The following CERKL variants were observed in gnomAD, a reference collection of about 807,000 sequenced individuals.
CERKL encodes CERK like autophagy regulator, also known as ceramide kinase-like protein.
Under a neutral mutation model 63.4 loss-of-function variants are expected in CERKL, and 61 were observed. The ratio of observed to expected loss-of-function variants is 0.96; its 90% CI spans 0.78 to 1.19. The LOEUF (loss-of-function observed/expected upper bound fraction) is 1.19. Ranked by LOEUF, CERKL falls within the 50% of genes most tolerant of loss-of-function variation. The pLI, the probability that CERKL is intolerant of heterozygous loss-of-function variation, is 0.00. For synonymous variants in CERKL, 250 were observed against 230.5 expected, an observed-to-expected ratio of 1.08 and a Z score of -0.77; for missense variants, 675 against 655.5, an observed-to-expected ratio of 1.03 and a Z score of -0.33.
In CERKL at chr2:181,550,384, C is replaced by A. The variant is rs1687932677; in HGVS notation, c.821-676G>T. On this transcript the variant is annotated intron_variant, in intron 5 of 12. Transcript: ENST00000410087. The surrounding 1 kb of genome is among the most constrained non-coding windows in gnomAD (Gnocchi z 4.5). ...CACCTGGATTTTCCCCACCAGTCCA[C>A]AGAGGCAAAGAGCGCCCTAAGTCAG... 6.6e-6 allele frequency among the ~76,000 whole-genome samples: 1 copy of A among 152,142 alleles called. No individual in the cohort carries two copies. The highest frequency in any genetic ancestry group is 1.5e-5 in the Non-Finnish European group (1 of 68,026).
chr2:181,639,310 A>G (rs1019735370), intron 1 of CERKL, among the ~76,000 whole-genome samples: 1 of 152,192 alleles, frequency 6.6e-6, no homozygotes, highest in Admixed American at 6.5e-5. Flanking sequence ...CTGGCCATAA[A>G]TTGAAAACTG....
chr2:181,542,759 G>A (rs1687566658), intron 11 of CERKL, among the ~76,000 whole-genome samples: 1 of 152,142 alleles, frequency 6.6e-6, no homozygotes, highest in Admixed American at 6.5e-5. Context: ...TAGAGTACAT[G>A]AGAAAATATG....
Position 181,550,484 on chromosome 2 carries a change from G to A in CERKL, c.821-776C>T, listed in dbSNP as rs917589256. Among the ~76,000 whole-genome samples, 3 of 152,110 alleles carry A rather than the reference G, an allele frequency of 2.0e-5. No homozygotes were observed. Among genetic ancestry groups the A allele is most frequent in the Non-Finnish European group, 2.9e-5 (2 of 68,016 alleles). ...ACCAGCTAGCCCTTCCCATTCCCAG[G>A]AGGCTAAAGAGAATTTAAAATTATT... On this transcript the variant is annotated intron_variant, in intron 5 of 12. Transcript: ENST00000410087. The surrounding 1 kb of genome is among the most constrained non-coding windows in gnomAD (Gnocchi z 4.5).
intron 1 of CERKL, among the ~76,000 whole-genome samples, chr2:181,648,326 G>A (rs892204571): frequency 4.0e-5 from 6 of 151,488 alleles, no homozygotes; most frequent in African/African-American, 1.2e-4. Context: ...TAGACTATCA[G>A]TAGATTTCTC....
chr2:181,634,110 A>C (rs758955668), intron 1 of CERKL, among the ~76,000 whole-genome samples: 2 of 152,192 alleles, frequency 1.3e-5, no homozygotes, highest in Non-Finnish European at 2.9e-5. Flanking sequence ...ATCCATAGAC[A>C]GCTTCGGTTT....
chr2:181,578,492 G>T (rs569385290), intron 2 of CERKL, among the ~76,000 whole-genome samples: 2 of 150,054 alleles, frequency 1.3e-5, no homozygotes, highest in South Asian at 2.1e-4. Flanking sequence ...TAGAGATGGG[G>T]TTTTGCCATG....
chr2:181,600,602 A>T (rs187684229), intron 2 of CERKL, among the ~76,000 whole-genome samples: 330 of 152,320 alleles, frequency 2.2e-3, no homozygotes, highest in Middle Eastern at 6.8e-3. Flanking sequence ...AACCAACAAC[A>T]TCAAAAAGAG....
intron 3 of CERKL, among the ~76,000 whole-genome samples, chr2:181,566,384 C>A (rs1244707876): frequency 1.3e-5 from 2 of 152,128 alleles, no homozygotes; most frequent in African/African-American, 4.8e-5. Context: ...AGTGGTTACC[C>A]AATTTGTCCT....
intron 1 of CERKL, among the ~76,000 whole-genome samples, chr2:181,654,656 A>G (rs1280215411): frequency 1.3e-5 from 2 of 152,186 alleles, no homozygotes; most frequent in Admixed American, 6.5e-5. Flanking sequence ...AGTAACTTTG[A>G]TGTAGCTCCC....
At chr2:181,541,777 G>C (rs757880520) in intron 11 of CERKL, among the ~76,000 whole-genome samples, 3 of 152,204 alleles carry the variant, frequency 2.0e-5, no homozygotes, top group Non-Finnish European at 2.9e-5. Flanking sequence ...TGGTAGTGAG[G>C]AATGAGGAAG....
intron 1 of CERKL, among the ~76,000 whole-genome samples, chr2:181,641,569 C>T (rs1273803893): frequency 1.3e-5 from 2 of 152,084 alleles, no homozygotes; most frequent in South Asian, 2.1e-4. Flanking sequence ...GCTCAAATTG[C>T]ATAACCATAT....
At chr2:181,629,757 C>A (rs1348382135) in intron 1 of CERKL, among the ~76,000 whole-genome samples, 2 of 151,932 alleles carry the variant, frequency 1.3e-5, no homozygotes, top group Non-Finnish European at 2.9e-5. Context: ...TTTCTCCTGT[C>A]CATATAACTA....
chr2:181,618,910 G>T (rs1320352926), intron 1 of CERKL, among the ~76,000 whole-genome samples: 3 of 152,104 alleles, frequency 2.0e-5, no homozygotes, highest in East Asian at 3.8e-4. Context: ...TGAAAATTAA[G>T]CCTAAAATGG....
chr2:181,569,060 C>G (rs1688792494), intron 3 of CERKL, among the ~76,000 whole-genome samples: 1 of 152,138 alleles, frequency 6.6e-6, no homozygotes, highest in South Asian at 2.1e-4. Flanking sequence ...CTCCCCCACT[C>G]TAGCCAGAAT....
At chr2:181,600,151 A>G (rs1242880430) in intron 2 of CERKL, among the ~76,000 whole-genome samples, 1 of 152,214 alleles carries the variant, frequency 6.6e-6, no homozygotes, top group Non-Finnish European at 1.5e-5. Flanking sequence ...AGGCAAGAAA[A>G]CACTAAGGGA....
At chr2:181,594,884 C>T (rs1179506424) in intron 2 of CERKL, among the ~76,000 whole-genome samples, 1 of 152,126 alleles carries the variant, frequency 6.6e-6, no homozygotes, top group Non-Finnish European at 1.5e-5. Context: ...CCTGGAGTTA[C>T]ATATAATATC....
intron 1 of CERKL, among the ~76,000 whole-genome samples, chr2:181,651,696 C>T (rs1476989805): frequency 6.7e-6 from 1 of 149,976 alleles, no homozygotes; most frequent in Non-Finnish European, 1.5e-5. Flanking sequence ...AAAGAAGTAA[C>T]GAGCATCCAA....
In CERKL at chr2:181,606,156, C is replaced by T. The variant is rs144458741; in HGVS notation, c.239-2077G>A. On this transcript the variant is annotated intron_variant, in intron 1 of 12. Transcript: ENST00000410087. ...AAGGGGACAAGGAGAAGGAGACAGA[C>T]GGAGAGGAGGGAAGACAGGAAGGAA... Among the ~76,000 whole-genome samples the T allele has an allele frequency of 5.6e-3, 760 of 136,514 alleles. 5 individuals are homozygous for T. Among genetic ancestry groups the T allele is most frequent in the African/African-American group, 0.011 (406 of 35,704 alleles). 89.6% of individuals were successfully genotyped at this position (136,514 alleles called of 152,430 possible).
intron 3 of CERKL, among the ~76,000 whole-genome samples, chr2:181,571,787 C>T (rs1176537723): frequency 6.6e-6 from 1 of 152,006 alleles, no homozygotes. Context: ...GTCCTCAGCC[C>T]CTGGGAAGAG....
Sources: allele counts gnomAD v4.1 joint callset (sites outside exome capture counted in the v4.1 genomes callset), GRCh38; gene constraint gnomAD v4.1.1; non-coding constraint Gnocchi (gnomAD v3.1); transcripts MANE v1.5; gene names NCBI Gene and HGNC (gene_info 2026-07-23, HGNC 2026-07-21).